The following C2CD5 variants were observed in gnomAD, a reference collection of about 807,000 sequenced individuals.
C2CD5 encodes C2 domain-containing protein 5.
In C2CD5, 109 loss-of-function variants were observed where a neutral mutation model predicts 130.3. The ratio of observed to expected loss-of-function variants is 0.84; its 90% CI spans 0.72 to 0.98. C2CD5 has a LOEUF of 0.98. C2CD5 is among the 50% of genes least tolerant of loss of function. The probability of loss-of-function intolerance (pLI) is 0.00; values close to 1 mark genes in which losing one functional copy is unlikely to be tolerated. For missense variants in C2CD5, 996 were observed against 1,261.8 expected, an observed-to-expected ratio of 0.79 and a Z score of 3.19; for synonymous variants, 454 against 429.2, an observed-to-expected ratio of 1.06 and a Z score of -0.71.
rs11046437 is a variant in C2CD5, at chr12:22,471,094, C to G, written c.2359-183G>C. 2.3e-3 allele frequency among the ~76,000 whole-genome samples: 344 copies of G among 151,954 alleles called. 2 individuals carry two copies. Among genetic ancestry groups the G allele is most frequent in the Non-Finnish European group, 3.6e-3 (243 of 67,872 alleles). The stretch of plus-strand genomic sequence containing the variant: ...CTACAACTATACCAAACAGTTATAC[C>G]TAAATCTAGATATTCCAGAAAGAGC... On this transcript the variant is annotated intron_variant, in intron 20 of 26. Coordinates refer to ENST00000446597, the MANE Select transcript of C2CD5 (RefSeq NM_001286176.2).
At chr12:22,508,738 T>C (rs1402054210) in intron 9 of C2CD5, among the ~76,000 whole-genome samples, 2 of 152,196 alleles carry the variant, frequency 1.3e-5, no homozygotes, top group Non-Finnish European at 2.9e-5. Context: ...TTATTAATAA[T>C]GTAGTTAGGT....
chr12:22,505,297 G>T (rs1302599404), intron 10 of C2CD5, among the ~76,000 whole-genome samples: 1 of 124,854 alleles, frequency 8.0e-6, no homozygotes, highest in South Asian at 2.4e-4. Context: ...CGCTCTTGTC[G>T]CCCAGGCTGG....
At chr12:22,542,946 G>A (rs1023202202) in intron 2 of C2CD5, among the ~76,000 whole-genome samples, 1 of 152,124 alleles carries the variant, frequency 6.6e-6, no homozygotes, top group African/African-American at 2.4e-5. Context: ...CTGAACTACC[G>A]GAAAGCAAAC....
intron 22 of C2CD5, among the ~76,000 whole-genome samples, chr12:22,460,849 G>A (rs1940993208): frequency 6.6e-6 from 1 of 152,164 alleles, no homozygotes; most frequent in Non-Finnish European, 1.5e-5. Context: ...AAAGTGGTGG[G>A]ATTGCAGGTA....
Position 22,458,565 on chromosome 12 carries a change from A to T in C2CD5, c.2605T>A (p.Ser869Thr). 7.8e-7 allele frequency: 1 copy of T among 1,280,338 alleles called. No individual in the cohort carries two copies. Among genetic ancestry groups the T allele is most frequent in the Non-Finnish European group, 9.9e-7 (1 of 1,011,876 alleles). 79.3% of individuals were successfully genotyped at this position (1,280,338 alleles called of 1,614,324 possible). A position where few individuals can be genotyped will look rare whatever the true frequency, so the allele number is the denominator to read the frequency against. ...AQRATSVDYS[S>T]FADRCSSWIE... ...CAGCTGCTGCATCTGTCTGCAAAGG[A>T]ACTGTAATCAACTGACGTTGCTGAA... Residue 869 changes from serine to threonine, a missense_variant, in exon 24 of 27, where the codon TCC (serine) becomes ACC (threonine). By Grantham distance (58) the Ser-to-Thr change is moderately conservative. Coordinates refer to ENST00000446597, the MANE Select transcript of C2CD5 (RefSeq NM_001286176.2).
chr12:22,470,715 ATTC>A (rs1267660350), intron 21 of C2CD5, 106 bp downstream of exon 21: 13 of 663,886 alleles, frequency 2.0e-5, no homozygotes, highest in Non-Finnish European at 3.1e-5. Context: ...AGCAGCAAAT[ATTC>A]TTCAAGAAAT....
In C2CD5 at chr12:22,472,306, T is replaced by C; in HGVS notation, c.2149A>G (p.Asn717Asp). ...CNTEIMPGIN[N>D]WTSEIQMFTS... is the part of the protein sequence containing the mutation. The stretch of plus-strand genomic sequence containing the variant: ...TTTACCTGTATTTCAGAGGTCCAAT[T>C]ATTTATACCGGGCATAATTTCTGTA... The change falls in exon 18 of 27, where the codon AAT becomes GAT. Residue 717 changes from asparagine to aspartate, a missense_variant. Physicochemically the swap from Asn to Asp is conservative, Grantham distance 23 (BLOSUM62 1). Transcript: ENST00000446597. 6.6e-7 allele frequency: 1 copy of C among 1,517,370 alleles called. No homozygotes were observed. 94.0% of individuals were successfully genotyped at this position (1,517,370 alleles called of 1,614,324 possible). A position where few individuals can be genotyped will look rare whatever the true frequency, so the allele number is the denominator to read the frequency against.
At chr12:22,543,990 G>C (rs1952682715) in intron 2 of C2CD5, 71 bp downstream of exon 2, 1 of 1,173,510 alleles carries the variant, frequency 8.5e-7, no homozygotes. Flanking sequence ...GAGGGGCTGG[G>C]GGCGAGGTGG....
chr12:22,452,663 T>C (rs1938951309), intron 26 of C2CD5, among the ~76,000 whole-genome samples: 1 of 152,232 alleles, frequency 6.6e-6, no homozygotes, highest in Non-Finnish European at 1.5e-5. Context: ...TAATGAAGTT[T>C]AGTATACCGT....
At chr12:22,529,577 T>G (rs1429635673) in intron 3 of C2CD5, among the ~76,000 whole-genome samples, 1 of 152,168 alleles carries the variant, frequency 6.6e-6, no homozygotes, top group African/African-American at 2.4e-5. Flanking sequence ...TCATAATGAA[T>G]TAAGAATATT....
At chr12:22,450,012 T>C (rs897990310) in intron 26 of C2CD5, 121 bp from the exon 27 acceptor site, 1 of 711,110 alleles carries the variant, frequency 1.4e-6, no homozygotes, top group Non-Finnish European at 2.2e-6. Context: ...AGGATAAAGA[T>C]AGGCAATCCA....
chr12:22,502,697 AT>A, intron 10 of C2CD5: 1 of 1,144,174 alleles, frequency 8.7e-7, no homozygotes, highest in Non-Finnish European at 1.3e-6. Flanking sequence ...AGCTGCCATA[AT>A]TTTTGTCAGC....
chr12:22,459,662 T>A, intron 22 of C2CD5, 120 bp from the exon 23 acceptor site: 2 of 535,846 alleles, frequency 3.7e-6, no homozygotes, highest in Non-Finnish European at 6.4e-6. Context: ...TATGGCTTCA[T>A]TGCAAAAGCA....
intron 14 of C2CD5, among the ~76,000 whole-genome samples, chr12:22,480,229 C>T (rs1944511563): frequency 6.6e-6 from 1 of 152,208 alleles, no homozygotes; most frequent in African/African-American, 2.4e-5. Flanking sequence ...TCAGAGAGGC[C>T]TGATTTGAAA....
At chr12:22,541,386 A>G (rs1952363944) in intron 2 of C2CD5, among the ~76,000 whole-genome samples, 1 of 152,166 alleles carries the variant, frequency 6.6e-6, no homozygotes, top group Admixed American at 6.5e-5. Context: ...TCCATTCTCC[A>G]TATAACAGTG....
At chr12:22,519,111 GTA>G in intron 7 of C2CD5, 1 of 1,534,688 alleles carries the variant, frequency 6.5e-7, no homozygotes, top group East Asian at 2.5e-5. Flanking sequence ...GAGCAGTCTC[GTA>G]CCAGTATAGA....
At chr12:22,458,088 T>A (rs990011849) in intron 24 of C2CD5, among the ~76,000 whole-genome samples, 3 of 152,192 alleles carry the variant, frequency 2.0e-5, no homozygotes, top group Non-Finnish European at 4.4e-5. Context: ...TTTCTCACCA[T>A]AAATTCTTTA....
intron 7 of C2CD5, among the ~76,000 whole-genome samples, chr12:22,521,043 A>G (rs1297872321): frequency 1.3e-5 from 2 of 152,158 alleles, no homozygotes; most frequent in East Asian, 1.9e-4. Context: ...TGTGGTATTT[A>G]TAATATTAAT....
At chr12:22,467,696 A>T (rs1376237816) in intron 22 of C2CD5, among the ~76,000 whole-genome samples, 1 of 152,178 alleles carries the variant, frequency 6.6e-6, no homozygotes, top group African/African-American at 2.4e-5. Context: ...TGCTTTTCCA[A>T]CCTACCTCAC....
Sources: gnomAD v4.1 joint callset for allele counts (sites outside exome capture counted in the v4.1 genomes callset) on GRCh38, gnomAD v4.1.1 for gene constraint, MANE v1.5 for transcripts, NCBI Gene and HGNC (gene_info 2026-07-23, HGNC 2026-07-21) for gene names.